ACOXL: variants seen among roughly 807,000 people sequenced by gnomAD.
The protein encoded by ACOXL is acyl-coenzyme A oxidase-like protein.
In ACOXL, 70 loss-of-function variants were observed where a neutral mutation model predicts 71.9. The ratio of observed to expected loss-of-function variants is 0.97; its 90% CI spans 0.80 to 1.19. The LOEUF is 1.19. Among genes scored for constraint, ACOXL ranks in the 50% most tolerant of loss-of-function variants. ACOXL has a pLI of 0.00. For missense variants in ACOXL, 703 were observed against 736.3 expected (o/e 0.95, Z 0.52); for synonymous variants, 253 against 281.6 (o/e 0.90, Z 1.02).
intron 9 of ACOXL, among the ~76,000 whole-genome samples, chr2:110,809,574 C>T (rs1488759820): frequency 1.3e-5 from 2 of 152,196 alleles, no homozygotes; most frequent in African/African-American, 4.8e-5. Flanking sequence ...ATTCTCAGAA[C>T]CGGCGATAGA....
At chr2:110,857,368 C>T (rs1693386623) in intron 10 of ACOXL, among the ~76,000 whole-genome samples, 1 of 152,178 alleles carries the variant, frequency 6.6e-6, no homozygotes, top group Non-Finnish European at 1.5e-5. Context: ...ATAAACCCAT[C>T]CGTCCATTCC....
At chr2:110,963,765 T>C (rs568849603) in intron 12 of ACOXL, 28 of 1,601,896 alleles carry the variant, frequency 1.7e-5, no homozygotes, top group Middle Eastern at 3.3e-4. Flanking sequence ...AAGTCTGAAG[T>C]GTTTCATATA....
At chr2:111,085,590 G>A (rs2068166451) in intron 16 of ACOXL, among the ~76,000 whole-genome samples, 1 of 152,072 alleles carries the variant, frequency 6.6e-6, no homozygotes, top group Non-Finnish European at 1.5e-5. Flanking sequence ...TGTTAAGAGT[G>A]AAATTTATAT....
At chr2:110,818,325 C>G (rs1471099647) in intron 9 of ACOXL, among the ~76,000 whole-genome samples, 3 of 147,362 alleles carry the variant, frequency 2.0e-5, no homozygotes, top group Non-Finnish European at 3.0e-5. Context: ...ACCCGGGAGG[C>G]AGAGGTTGCA....
chr2:111,117,533 G>C, intron 17 of ACOXL, 83 bp from the exon 18 acceptor site: 1 of 1,410,788 alleles, frequency 7.1e-7, no homozygotes, highest in Non-Finnish European at 9.8e-7. Context: ...GTGTGCGGGT[G>C]CTTGGTGGGC....
chr2:110,896,706 C>T (rs1259162530), intron 10 of ACOXL, among the ~76,000 whole-genome samples: 1 of 152,138 alleles, frequency 6.6e-6, no homozygotes, highest in Non-Finnish European at 1.5e-5. Context: ...CTATGTAAAA[C>T]ACAGCACAGC....
intron 12 of ACOXL, among the ~76,000 whole-genome samples, chr2:110,976,934 C>T (rs1310323711): frequency 3.3e-5 from 5 of 152,272 alleles, no homozygotes; most frequent in Admixed American, 3.3e-4. Flanking sequence ...CACTGGGAAG[C>T]TTCCCCTTCT....
Position 110,987,147 on chromosome 2 carries a change from T to C in ACOXL, c.1099T>C (p.Tyr367His). The change falls in exon 13 of 18, where the codon TAT (tyrosine) becomes CAT (histidine). Residue 367 changes from tyrosine (Y) to histidine (H), a missense_variant. Transcript: ENST00000439055. ...ACTGCTGGCCCAATACACCAAACAG[T>C]ATGAAGAAAAACCACTCTTTGGCCT... ...RELLAQYTKQ[Y>H]EEKPLFGLLQ... The C allele has an allele frequency of 6.3e-7, 1 of 1,578,128 alleles. No individual in the cohort carries two copies. Among genetic ancestry groups the C allele is most frequent in the Non-Finnish European group, 8.6e-7 (1 of 1,158,802 alleles).
chr2:111,029,668 T>G (rs1007126887), intron 14 of ACOXL, among the ~76,000 whole-genome samples: 3 of 152,174 alleles, frequency 2.0e-5, no homozygotes, highest in Non-Finnish European at 4.4e-5. Context: ...AAGACCTGGG[T>G]GCTCTTCTTC....
intron 16 of ACOXL, among the ~76,000 whole-genome samples, chr2:111,081,030 A>C (rs949477110): frequency 3.3e-5 from 5 of 152,226 alleles, no homozygotes; most frequent in African/African-American, 1.2e-4. Flanking sequence ...TCAAAATAAT[A>C]AGAGCTATTT....
Position 110,798,611 on chromosome 2 carries a change from A to C in ACOXL, c.347A>C (p.Glu116Ala). ...TEATFDLSAQ[E>A]FVIDTPCENA... ...TGTTGCTCTGCTTTTTCTGTGTAGGAGTTTGTAATTGACACGCCGTGTGAA... is the reference window on the plus strand; with the variant it reads ...TGTTGCTCTGCTTTTTCTGTGTAGGCGTTTGTAATTGACACGCCGTGTGAA... The change falls in exon 6 of 18, where the codon GAG (glutamate) becomes GCG (alanine). Residue 116 changes from glutamate to alanine, a missense_variant and splice_region_variant. Glu to Ala is a moderately radical substitution (Grantham distance 107). Transcript: ENST00000439055. The C allele has an allele frequency of 6.2e-7, 1 of 1,612,800 alleles. No homozygotes were observed. The highest frequency in any genetic ancestry group is 8.5e-7 in the Non-Finnish European group (1 of 1,178,862).
intron 3 of ACOXL, among the ~76,000 whole-genome samples, chr2:110,789,162 C>T (rs530827499): frequency 7.9e-5 from 12 of 152,038 alleles, no homozygotes; most frequent in Middle Eastern, 6.8e-3. Flanking sequence ...TGGCTCACAG[C>T]GACAGGGGTG....
At chr2:110,971,901 A>G (rs1398094815) in intron 12 of ACOXL, among the ~76,000 whole-genome samples, 5 of 152,186 alleles carry the variant, frequency 3.3e-5, no homozygotes, top group Non-Finnish European at 1.5e-5. Context: ...TTTTTTGACA[A>G]CTTTCTCTCT....
chr2:110,821,206 G>C (rs2037039), intron 9 of ACOXL, among the ~76,000 whole-genome samples: 2,930 of 152,320 alleles, frequency 0.019, 176 homozygotes, highest in East Asian at 0.11. Context: ...TTCCTGGATG[G>C]TGAAGGGGTA....
Position 110,975,005 on chromosome 2 carries a change from A to G in ACOXL, c.1060-12103A>G, listed in dbSNP as rs2062380543. 2.6e-5 allele frequency among the ~76,000 whole-genome samples: 4 copies of G among 152,228 alleles called. No individual in the cohort carries two copies. In the South Asian group the frequency reaches 8.3e-4, roughly 32 times the overall value. On this transcript the variant is annotated intron_variant, in intron 12 of 17. Coordinates refer to ENST00000439055, the MANE Select transcript of ACOXL (RefSeq NM_001142807.4). ...GGGAACCTAGCTGTTCTTCCCCTGC[A>G]GGAATGCCTGAGCCATGCTGTGGGG...
At chr2:110,946,972 C>T (rs745389596) in intron 12 of ACOXL, among the ~76,000 whole-genome samples, 5 of 152,210 alleles carry the variant, frequency 3.3e-5, no homozygotes, top group African/African-American at 9.6e-5. Flanking sequence ...CTGCTCTTGG[C>T]GTGCAGCTGT....
At chr2:110,753,819 T>C (rs1258820272) in intron 1 of ACOXL, among the ~76,000 whole-genome samples, 1 of 152,224 alleles carries the variant, frequency 6.6e-6, no homozygotes, top group Non-Finnish European at 1.5e-5. Flanking sequence ...GGTTGTACCA[T>C]TTTACATTTT....
intron 12 of ACOXL, among the ~76,000 whole-genome samples, chr2:110,973,369 G>A (rs1349801000): frequency 6.6e-6 from 1 of 152,186 alleles, no homozygotes; most frequent in Non-Finnish European, 1.5e-5. Context: ...GATGGTATAG[G>A]AGGTGGGGCC....
chr2:110,842,942 C>T (rs13395354), intron 10 of ACOXL, among the ~76,000 whole-genome samples: 28,196 of 152,112 alleles, frequency 0.19, 2,651 homozygotes, highest in South Asian at 0.22. Context: ...GTCCTGCAGA[C>T]GGGTGCTCTT....
Sources: allele counts gnomAD v4.1 joint callset (sites outside exome capture counted in the v4.1 genomes callset), GRCh38; gene constraint gnomAD v4.1.1; transcripts MANE v1.5; gene names NCBI Gene and HGNC (gene_info 2026-07-23, HGNC 2026-07-21).